Variants in DCTPP1 observed in about 807,000 individuals in gnomAD.
The protein encoded by DCTPP1 is dCTP pyrophosphatase 1.
DCTPP1 carries 8 observed loss-of-function variants against 8.8 expected under a neutral mutation model. The ratio of observed to expected loss-of-function variants is 0.91; its 90% confidence interval spans 0.54 to 1.64. DCTPP1 has a LOEUF of 1.64. Ranked by LOEUF, DCTPP1 falls within the 40% of genes most tolerant of loss-of-function variation. The pLI is 0.00. For missense variants in DCTPP1, 231 were observed against 230.4 expected, an observed-to-expected ratio of 1.00 and a Z score of -0.02; for synonymous variants, 85 against 92.1, an observed-to-expected ratio of 0.92 and a Z score of 0.44.
intron 1 of DCTPP1, 117 bp downstream of exon 1, chr16:30,429,763 A>T: frequency 2.0e-6 from 2 of 1,000,966 alleles, no homozygotes; most frequent in Non-Finnish European, 2.9e-6. Context: ...GACAGCCCAC[A>T]GAGCCAGGAC....
At chr16:30,428,909 C>G in intron 2 of DCTPP1, 148 bp downstream of exon 2, 1 of 770,868 alleles carries the variant, frequency 1.3e-6, no homozygotes, top group South Asian at 2.1e-5. Context: ...GGGCAGGGAC[C>G]CGTGAGTCCT....
Position 30,429,163 on chromosome 16 carries a change from G to A in DCTPP1, c.106C>T (p.Arg36Cys). The A allele has an allele frequency of 6.2e-7, 1 of 1,614,038 alleles. No homozygotes were observed. Among genetic ancestry groups the A allele is most frequent in the Non-Finnish European group, 8.5e-7 (1 of 1,179,976 alleles). ...TCCGCAGCAAACTCAGCATGGAGGC[G>A]GCGGCTGAAATAGGACAAAGGAGTG... ...SPEPTLEDIR[R>C]LHAEFAAERD... Residue 36 changes from arginine (R) to cysteine (C), a missense_variant, in exon 2 of 3, where the codon CGC (arginine) becomes TGC (cysteine). Physicochemically the swap from Arg to Cys is radical, Grantham distance 180. Coordinates refer to ENST00000319285, the MANE Select transcript of DCTPP1 (RefSeq NM_024096.2).
intron 2 of DCTPP1, 46 bp downstream of exon 2, chr16:30,429,011 C>A: frequency 6.5e-7 from 1 of 1,546,958 alleles, no homozygotes; most frequent in Non-Finnish European, 8.8e-7. Flanking sequence ...CTCCCCTCCC[C>A]TCCCCCACAA....
chr16:30,429,017 C>A (rs762778828), intron 2 of DCTPP1, 40 bp downstream of exon 2: 2 of 1,572,252 alleles, frequency 1.3e-6, no homozygotes, highest in Non-Finnish European at 1.7e-6. Context: ...TCCCCTCCCC[C>A]ACAACTCAGA....
At position 30,429,937 on chromosome 16, in the gene DCTPP1, T is replaced by C; in HGVS notation, c.44A>G (p.Glu15Gly). 6.3e-7 allele frequency: 1 copy of C among 1,587,448 alleles called. No homozygotes were observed. The highest frequency in any genetic ancestry group is 2.5e-5 in the East Asian group (1 of 40,502). The stretch of plus-strand genomic sequence containing the variant: ...GAACCGGCCGGGAGCAGCAGTGTCC[T>C]CTCCCCCCGTGTCCCCACGAATCTC... The part of the protein sequence containing the change: ...GGEIRGDTGG[E>G]DTAAPGRFSF... Residue 15 changes from glutamate (E) to glycine (G), a missense_variant, in exon 1 of 3, where the codon GAG (glutamate) becomes GGG (glycine). Transcript: ENST00000319285.
chr16:30,429,859 A>G, intron 1 of DCTPP1, 21 bp downstream of exon 1: 1 of 1,585,596 alleles, frequency 6.3e-7, no homozygotes, highest in South Asian at 1.1e-5. Context: ...CCCCACCCCG[A>G]GCTGGGCCAG....
intron 1 of DCTPP1, chr16:30,429,513 A>G: frequency 2.5e-6 from 1 of 405,906 alleles, no homozygotes; most frequent in Non-Finnish European, 4.4e-6. Context: ...CCCTTCCTCT[A>G]AGAAGCCTTT....
At chr16:30,426,201 A>G (rs1255734197) in intron 2 of DCTPP1, among the ~76,000 whole-genome samples, 1 of 152,118 alleles carries the variant, frequency 6.6e-6, no homozygotes, top group Non-Finnish European at 1.5e-5. Context: ...TTTTTGACAG[A>G]GTCTTGCTCT....
In DCTPP1 at chr16:30,429,081, T is replaced by TC. The variant is rs766676952; in HGVS notation, c.187dup (p.Glu63GlyfsTer35). ...CAAGAGTTCTGCCAGCTCCCCCACT[T>TC]CCCCAACCAAGGCCAGGAGGAGATT... is the stretch of plus-strand genomic sequence containing the variant. On this transcript the variant is annotated frameshift_variant, in exon 2 of 3. Coordinates refer to ENST00000319285, the MANE Select transcript of DCTPP1 (RefSeq NM_024096.2). LOFTEE classifies it high-confidence loss of function. 5.0e-5 allele frequency: 81 copies of TC among 1,613,360 alleles called. No individual in the cohort carries two copies. Among genetic ancestry groups the TC allele is most frequent in the Non-Finnish European group, 6.4e-5 (76 of 1,179,778 alleles).
chr16:30,428,866 C>T (rs570167074), intron 2 of DCTPP1, 191 bp downstream of exon 2: 1 of 550,552 alleles, frequency 1.8e-6, no homozygotes, highest in African/African-American at 1.9e-5. Context: ...ACACCTCACA[C>T]CTCTCTCTTC....
Position 30,429,944 on chromosome 16 carries a change from C to A in DCTPP1, c.37G>T (p.Gly13Trp), listed in dbSNP as rs201197422. Reference protein sequence around the residue: ...VAGGEIRGDTGGEDTAAPGRF... With the variant: ...VAGGEIRGDTWGEDTAAPGRF... The stretch of plus-strand genomic sequence containing the variant: ...CCGGGAGCAGCAGTGTCCTCTCCCC[C>A]CGTGTCCCCACGAATCTCCCCACCG... The change falls in exon 1 of 3, where the codon GGG becomes TGG. Residue 13 changes from glycine to tryptophan, a missense_variant. By Grantham distance (184) the Gly-to-Trp change is radical (BLOSUM62 -2). Coordinates refer to ENST00000319285, the MANE Select transcript of DCTPP1 (RefSeq NM_024096.2). 121 of 1,586,632 alleles carry A rather than the reference C, an allele frequency of 7.6e-5. 2 individuals are homozygous for A. In the East Asian group the frequency reaches 2.9e-3, roughly 38 times the overall value.
At position 30,429,958 on chromosome 16, in the gene DCTPP1, A is replaced by G; in HGVS notation, c.23T>C (p.Ile8Thr). 1 of 1,578,370 alleles carries G rather than the reference A, an allele frequency of 6.3e-7. No homozygotes were observed. The highest frequency in any genetic ancestry group is 8.6e-7 in the Non-Finnish European group (1 of 1,163,774). ...GTCCTCTCCCCCCGTGTCCCCACGA[A>G]TCTCCCCACCGGCCACAGACATGCC... MSVAGGE[I>T]RGDTGGEDTA... is the part of the protein sequence containing the mutation. Residue 8 changes from isoleucine (I) to threonine (T), a missense_variant, in exon 1 of 3, where the codon ATT (isoleucine) becomes ACT (threonine). Physicochemically the swap from Ile to Thr is moderately conservative, Grantham distance 89. Transcript: ENST00000319285.
At chr16:30,429,261 C>T in intron 1 of DCTPP1, 94 bp from the exon 2 acceptor site, 1 of 1,247,066 alleles carries the variant, frequency 8.0e-7, no homozygotes. Flanking sequence ...GTAATGGGGC[C>T]TGGGACCAGG....
chr16:30,424,952 G>C (rs1056631374), intron 2 of DCTPP1, among the ~76,000 whole-genome samples: 1 of 152,192 alleles, frequency 6.6e-6, no homozygotes, highest in Non-Finnish European at 1.5e-5. Context: ...GCAATGGGGC[G>C]ATACTGCAAC....
At chr16:30,424,565 A>G in intron 2 of DCTPP1, 32 bp from the exon 3 acceptor site, 3 of 1,602,314 alleles carry the variant, frequency 1.9e-6, no homozygotes, top group South Asian at 2.2e-5. Context: ...ACACACACTC[A>G]GATGTAACCT....
Position 30,424,322 on chromosome 16 carries a change from T to C in DCTPP1, c.424A>G (p.Thr142Ala), listed in dbSNP as rs2050179903. The C allele has an allele frequency of 6.2e-7, 1 of 1,614,220 alleles. No homozygotes were observed. The highest frequency in any genetic ancestry group is 1.3e-5 in the African/African-American group (1 of 75,054). Residue 142 changes from threonine (T) to alanine (A), a missense_variant, in exon 3 of 3, where the codon ACA (threonine) becomes GCA (alanine). Coordinates refer to ENST00000319285, the MANE Select transcript of DCTPP1 (RefSeq NM_024096.2). Reference sequence around the variant, plus strand: ...GAGATGGCCCCATGGGGCAATTCTGTATACTTGCGGGAAGAGCTGCGGGCC... The same window carrying C: ...GAGATGGCCCCATGGGGCAATTCTGCATACTTGCGGGAAGAGCTGCGGGCC... ...HLARSSSRKYTELPHGAISED... is the reference protein window; with the variant it reads ...HLARSSSRKYAELPHGAISED...
At chr16:30,426,606 T>C (rs1318688111) in intron 2 of DCTPP1, among the ~76,000 whole-genome samples, 2 of 150,958 alleles carry the variant, frequency 1.3e-5, no homozygotes, top group African/African-American at 4.9e-5. Context: ...TGAGTAGCTG[T>C]GATTATAGGC....
At chr16:30,429,255 T>A in intron 1 of DCTPP1, 88 bp from the exon 2 acceptor site, 1 of 1,311,940 alleles carries the variant, frequency 7.6e-7, no homozygotes, top group Non-Finnish European at 1.1e-6. Flanking sequence ...TAGTATGTAA[T>A]GGGGCCTGGG....
At chr16:30,429,786 G>C in intron 1 of DCTPP1, 94 bp downstream of exon 1, 1 of 1,280,760 alleles carries the variant, frequency 7.8e-7, no homozygotes, top group Non-Finnish European at 1.1e-6. Context: ...GAGCCCCGCT[G>C]CCAGCCCGCT....
Sources: gnomAD v4.1 joint callset for allele counts (sites outside exome capture counted in the v4.1 genomes callset) on GRCh38, gnomAD v4.1.1 for gene constraint, MANE v1.5 for transcripts, NCBI Gene and HGNC (gene_info 2026-07-23, HGNC 2026-07-21) for gene names.